RBFOX1: variants seen among roughly 807,000 people sequenced by gnomAD.
RBFOX1 encodes RNA binding fox-1 homolog 1, also known as RNA binding protein fox-1 homolog 1.
Under a neutral mutation model 57.7 loss-of-function variants are expected in RBFOX1, and 8 were observed. That is an observed-to-expected ratio of 0.14 (90% confidence interval 0.08 to 0.25). The LOEUF is 0.25. Among genes scored for constraint, RBFOX1 ranks in the 10% least tolerant of loss-of-function variants. The probability of loss-of-function intolerance (pLI) is 1.00; values close to 1 mark genes in which losing one functional copy is unlikely to be tolerated. For missense variants in RBFOX1, 611 were observed against 548.5 expected, an observed-to-expected ratio of 1.11 and a Z score of -1.14; for synonymous variants, 326 against 222.4, an observed-to-expected ratio of 1.47 and a Z score of -4.15.
intron 2 of RBFOX1, among the ~76,000 whole-genome samples, chr16:5,582,361 G>A (rs980265558): frequency 3.3e-5 from 5 of 152,114 alleles, no homozygotes; most frequent in African/African-American, 9.7e-5. Flanking sequence ...TTGGACTGGA[G>A]CCGGTGGAAA....
intron 4 of RBFOX1, among the ~76,000 whole-genome samples, chr16:5,993,543 C>G (rs1341004481): frequency 6.6e-6 from 1 of 152,116 alleles, no homozygotes; most frequent in Non-Finnish European, 1.5e-5. Context: ...ACCCAGCAAG[C>G]ATGAGTCTGT....
chr16:7,325,639 A>T (rs117440288), intron 4 of RBFOX1, among the ~76,000 whole-genome samples: 1 of 151,976 alleles, frequency 6.6e-6, no homozygotes, highest in Non-Finnish European at 1.5e-5. Flanking sequence ...GAGATTTCCA[A>T]TGGGGGTGGT....
rs543104400 is a variant in RBFOX1 at position 6,360,846 on chromosome 16, G to A, written c.-64+43789G>A. On this transcript the variant is annotated intron_variant, in intron 2 of 15. Transcript: ENST00000550418. ...ATCATTGTGAATGGCGCCCCCTACA[G>A]TTGTTCAGTGTGTAGTCTGAAATTT... 3.3e-5 allele frequency among the ~76,000 whole-genome samples: 5 copies of A among 152,284 alleles called. No individual in the cohort carries two copies. In the South Asian group the frequency reaches 6.2e-4, roughly 19 times the overall value.
chr16:6,855,834 CTTCCCTCCCTCT>C (rs1197526520), intron 3 of RBFOX1, among the ~76,000 whole-genome samples: 5 of 30,154 alleles, frequency 1.7e-4, no homozygotes, highest in Non-Finnish European at 3.4e-4. Flanking sequence ...TCCCTCCCTC[CTTCCCTCCCTCT>C]TTCCCTCCCT....
At chr16:6,331,986 A>G (rs1300602355) in intron 2 of RBFOX1, among the ~76,000 whole-genome samples, 1 of 152,170 alleles carries the variant, frequency 6.6e-6, no homozygotes, top group Non-Finnish European at 1.5e-5. Flanking sequence ...TCCTGTTACA[A>G]CAGGCTGCTG....
chr16:7,243,434 T>C (rs1261483560), intron 4 of RBFOX1, among the ~76,000 whole-genome samples: 2 of 152,322 alleles, frequency 1.3e-5, no homozygotes, highest in East Asian at 3.9e-4. Context: ...ATATTACCTT[T>C]GGTTGACATT....
intron 2 of RBFOX1, among the ~76,000 whole-genome samples, chr16:5,553,119 C>T (rs1241499003): frequency 6.6e-6 from 1 of 152,066 alleles, no homozygotes; most frequent in Non-Finnish European, 1.5e-5. Context: ...ACATCACATA[C>T]CCGGGCCTGT....
intron 3 of RBFOX1, among the ~76,000 whole-genome samples, chr16:6,687,592 A>C (rs938884223): frequency 2.0e-5 from 3 of 152,232 alleles, no homozygotes; most frequent in African/African-American, 7.2e-5. Flanking sequence ...ACATAAAATT[A>C]ACTTCAGGTC....
intron 3 of RBFOX1, among the ~76,000 whole-genome samples, chr16:5,712,534 C>T (rs1005594072): frequency 6.6e-6 from 1 of 152,194 alleles, no homozygotes; most frequent in Non-Finnish European, 1.5e-5. Context: ...CAGAGAATGA[C>T]TGTTAGCGGC....
chr16:5,447,279 C>A (rs1158841844), intron 1 of RBFOX1, among the ~76,000 whole-genome samples: 1 of 152,142 alleles, frequency 6.6e-6, no homozygotes. Flanking sequence ...AGGTCAAATC[C>A]TGGCTCTGCA....
chr16:6,837,500 A>G (rs550474270), intron 3 of RBFOX1, among the ~76,000 whole-genome samples: 2 of 152,328 alleles, frequency 1.3e-5, no homozygotes, highest in Admixed American at 6.5e-5. Flanking sequence ...GAACATAACC[A>G]TGTCCTATGC....
intron 1 of RBFOX1, among the ~76,000 whole-genome samples, chr16:6,274,441 G>T (rs907840722): frequency 6.6e-6 from 1 of 152,086 alleles, no homozygotes; most frequent in Non-Finnish European, 1.5e-5. Context: ...AAATTATGCC[G>T]CATGAAAAAT....
chr16:5,288,468 A>C (rs187638241), intron 1 of RBFOX1, among the ~76,000 whole-genome samples: 1 of 152,272 alleles, frequency 6.6e-6, no homozygotes, highest in African/African-American at 2.4e-5. Flanking sequence ...TTCTAAAGTG[A>C]ATTACACATT....
chr16:6,782,974 C>G (rs2081280232), intron 3 of RBFOX1, among the ~76,000 whole-genome samples: 1 of 152,012 alleles, frequency 6.6e-6, no homozygotes, highest in Admixed American at 6.6e-5. Context: ...ACTTCTTTAT[C>G]ATTATATAAT....
intron 1 of RBFOX1, among the ~76,000 whole-genome samples, chr16:5,463,230 G>T (rs966171112): frequency 6.6e-6 from 1 of 151,994 alleles, no homozygotes; most frequent in Non-Finnish European, 1.5e-5. Context: ...AACATAATAC[G>T]GATTTTGTTT....
At chr16:7,266,121 C>G (rs989218505) in intron 4 of RBFOX1, among the ~76,000 whole-genome samples, 15 of 151,842 alleles carry the variant, frequency 9.9e-5, no homozygotes, top group African/African-American at 3.6e-4. Context: ...ACTACAGGCG[C>G]TCGCCAATAC....
intron 4 of RBFOX1, among the ~76,000 whole-genome samples, chr16:7,274,895 G>A (rs1224192357): frequency 6.6e-6 from 1 of 151,998 alleles, no homozygotes; most frequent in Admixed American, 6.6e-5. Context: ...ATGTTAGCCA[G>A]GCTGTCTCGA....
At chr16:7,410,696 C>A (rs527510980) in intron 4 of RBFOX1, among the ~76,000 whole-genome samples, 8 of 141,760 alleles carry the variant, frequency 5.6e-5, no homozygotes, top group African/African-American at 1.8e-4. Flanking sequence ...AACAAAACAA[C>A]AAAAAAACAA....
intron 15 of RBFOX1, 40 bp downstream of exon 15, chr16:7,709,171 T>G: frequency 6.5e-7 from 1 of 1,542,872 alleles, no homozygotes; most frequent in Non-Finnish European, 8.9e-7. Flanking sequence ...TCCTCCTGCC[T>G]CCCTTCCCTT....
Sources: allele counts gnomAD v4.1 joint callset (sites outside exome capture counted in the v4.1 genomes callset), GRCh38; gene constraint gnomAD v4.1.1; transcripts MANE v1.5; gene names NCBI Gene and HGNC (gene_info 2026-07-23, HGNC 2026-07-21).